The following RALGAPA2 variants were observed in gnomAD, a reference collection of about 807,000 sequenced individuals.
RALGAPA2 encodes Ral GTPase activating protein catalytic subunit alpha 2, also known as ral GTPase-activating protein subunit alpha-2.
In RALGAPA2, 139 loss-of-function variants were observed where a neutral mutation model predicts 230.4. That is an observed-to-expected ratio of 0.60 (90% CI 0.53 to 0.69). RALGAPA2 has a LOEUF of 0.69. RALGAPA2 is among the 30% of genes least tolerant of loss of function. The probability of loss-of-function intolerance (pLI) is 0.00; values close to 1 mark genes in which losing one functional copy is unlikely to be tolerated. For missense variants in RALGAPA2, 2,163 were observed against 2,276.0 expected (o/e 0.95, Z 1.01); for synonymous variants, 847 against 837.8 (o/e 1.01, Z -0.19).
chr20:20,707,035 T>G (rs1437791444), intron 1 of RALGAPA2, among the ~76,000 whole-genome samples: 1 of 152,148 alleles, frequency 6.6e-6, no homozygotes, highest in African/African-American at 2.4e-5. Context: ...GCCACTTGGA[T>G]CTTGCCTTTT....
chr20:20,547,072 C>T (rs1231590397), intron 23 of RALGAPA2, among the ~76,000 whole-genome samples: 1 of 152,212 alleles, frequency 6.6e-6, no homozygotes, highest in East Asian at 1.9e-4. Context: ...AATCATGGCT[C>T]TGAGACTAGA....
chr20:20,628,824 C>A (rs965479749), intron 10 of RALGAPA2, among the ~76,000 whole-genome samples: 2 of 152,164 alleles, frequency 1.3e-5, no homozygotes, highest in Non-Finnish European at 2.9e-5. Flanking sequence ...TTGCTCACAC[C>A]TCTTTTCGTG....
At chr20:20,690,714 T>G (rs2068871996) in intron 1 of RALGAPA2, among the ~76,000 whole-genome samples, 1 of 152,044 alleles carries the variant, frequency 6.6e-6, no homozygotes, top group African/African-American at 2.4e-5. Flanking sequence ...GGCTTTTGTC[T>G]TCCTCCTACA....
At chr20:20,709,748 T>C (rs2069772549) in intron 1 of RALGAPA2, among the ~76,000 whole-genome samples, 1 of 152,158 alleles carries the variant, frequency 6.6e-6, no homozygotes, top group Admixed American at 6.5e-5. Context: ...ACATCCAAAT[T>C]GGAGTTATTA....
intron 37 of RALGAPA2, among the ~76,000 whole-genome samples, chr20:20,418,492 A>G (rs138370271): frequency 2.4e-4 from 37 of 152,284 alleles, no homozygotes; most frequent in African/African-American, 8.4e-4. Flanking sequence ...TCCTCAGTAT[A>G]TGAGCTCTGG....
At chr20:20,558,030 G>C (rs1434045701) in intron 23 of RALGAPA2, among the ~76,000 whole-genome samples, 2 of 151,880 alleles carry the variant, frequency 1.3e-5, no homozygotes, top group Non-Finnish European at 2.9e-5. Flanking sequence ...TTGAGACTAA[G>C]TTTCATTCTT....
chr20:20,667,038 G>T (rs2067977663), intron 3 of RALGAPA2, among the ~76,000 whole-genome samples: 1 of 152,160 alleles, frequency 6.6e-6, no homozygotes, highest in Non-Finnish European at 1.5e-5. Context: ...ATTAGTATCT[G>T]AAGTAAAATG....
intron 36 of RALGAPA2, among the ~76,000 whole-genome samples, chr20:20,482,876 G>A (rs1467453719): frequency 1.3e-5 from 2 of 152,166 alleles, no homozygotes; most frequent in Admixed American, 6.5e-5. Context: ...AGATGATATG[G>A]GACTTGATGA....
intron 23 of RALGAPA2, among the ~76,000 whole-genome samples, chr20:20,557,721 C>A (rs891613754): frequency 6.6e-6 from 1 of 152,314 alleles, no homozygotes; most frequent in South Asian, 2.1e-4. Context: ...GAAAACACAA[C>A]ACTACTGAAT....
At chr20:20,511,134 T>G in intron 33 of RALGAPA2, 120 bp downstream of exon 33, 1 of 1,459,198 alleles carries the variant, frequency 6.9e-7, no homozygotes. Flanking sequence ...CACCAGATGC[T>G]AGGTTACAGA....
Position 20,616,064 on chromosome 20 carries a change from A to G in RALGAPA2, c.1667T>C (p.Leu556Pro). 4 of 1,528,658 alleles carry G rather than the reference A, an allele frequency of 2.6e-6. No individual in the cohort carries two copies. The highest frequency in any genetic ancestry group is 2.6e-6 in the Non-Finnish European group (3 of 1,138,950). 94.7% of individuals were successfully genotyped at this position (1,528,658 alleles called of 1,614,324 possible). The part of the protein sequence containing the change: ...LIIFRRMIME[L>P]TMNKKTWEQM... ...TTACCATGTCTTTTTATTCATTGTA[A>G]GCTCCATTATCATGCGCCTAAAAAT... The change falls in exon 13 of 40, where the codon CTT (leucine) becomes CCT (proline). Residue 556 changes from leucine (L) to proline (P), a missense_variant. Leu to Pro is a moderately conservative substitution (Grantham distance 98). Coordinates refer to ENST00000202677, the MANE Select transcript of RALGAPA2 (RefSeq NM_020343.4).
chr20:20,501,426 C>T (rs1441150450), intron 35 of RALGAPA2, among the ~76,000 whole-genome samples: 1 of 152,234 alleles, frequency 6.6e-6, no homozygotes, highest in East Asian at 1.9e-4. Context: ...CCTCAAACTT[C>T]ATGAACCAAC....
At chr20:20,648,696 A>G (rs925501822) in intron 4 of RALGAPA2, among the ~76,000 whole-genome samples, 2 of 152,048 alleles carry the variant, frequency 1.3e-5, no homozygotes. Context: ...GCATGAAGGA[A>G]AAGGGCTAGG....
Position 20,524,816 on chromosome 20 carries a change from A to T in RALGAPA2, c.3762+14T>A, listed in dbSNP as rs769234015. On this transcript the variant is annotated intron_variant, in intron 29 of 39. Transcript: ENST00000202677. ...AAAAAACTATAGGAAAAACTTAGTT[A>T]ATGTGCCACCTACCTTCTTGTCTGT... 5 of 1,570,336 alleles carry T rather than the reference A, an allele frequency of 3.2e-6. No homozygotes were observed. In the Admixed American group the frequency reaches 1.0e-4, roughly 32 times the overall value.
chr20:20,449,395 T>C (rs187204021), intron 37 of RALGAPA2, among the ~76,000 whole-genome samples: 9 of 152,334 alleles, frequency 5.9e-5, no homozygotes, highest in African/African-American at 2.2e-4. Flanking sequence ...TAAAAATGCC[T>C]GGCCATGGAA....
intron 39 of RALGAPA2, among the ~76,000 whole-genome samples, chr20:20,394,465 C>T (rs997633830): frequency 6.6e-6 from 1 of 152,168 alleles, no homozygotes; most frequent in Non-Finnish European, 1.5e-5. Flanking sequence ...CAGTGAAACC[C>T]CGTCTCTACA....
intron 20 of RALGAPA2, among the ~76,000 whole-genome samples, chr20:20,573,649 C>T (rs182368006): frequency 6.0e-4 from 92 of 152,308 alleles, no homozygotes; most frequent in African/African-American, 2.2e-3. Context: ...GCTTTGTTCT[C>T]TGTTCCTATA....
intron 1 of RALGAPA2, among the ~76,000 whole-genome samples, chr20:20,702,456 T>C (rs1361287247): frequency 6.6e-6 from 1 of 152,102 alleles, no homozygotes; most frequent in Non-Finnish European, 1.5e-5. Context: ...GAGTAGGAAG[T>C]GTCAGACTTC....
At chr20:20,412,184 A>C in intron 37 of RALGAPA2, 36 bp from the exon 38 acceptor site, 1 of 1,611,712 alleles carries the variant, frequency 6.2e-7, no homozygotes, top group Admixed American at 1.7e-5. Flanking sequence ...GTGCACGTGC[A>C]AAGTGGCATG....
Sources: allele counts gnomAD v4.1 joint callset (sites outside exome capture counted in the v4.1 genomes callset), GRCh38; gene constraint gnomAD v4.1.1; transcripts MANE v1.5; gene names NCBI Gene and HGNC (gene_info 2026-07-23, HGNC 2026-07-21).